PCDHGC4: variants seen among roughly 807,000 people sequenced by gnomAD.
PCDHGC4 encodes protocadherin gamma-C4.
In PCDHGC4, 15 loss-of-function variants were observed where a neutral mutation model predicts 59.7. That is an observed-to-expected ratio of 0.25 (90% CI 0.17 to 0.39). The LOEUF is 0.39. Among genes scored for constraint, PCDHGC4 ranks in the 10% least tolerant of loss-of-function variants. PCDHGC4 has a pLI of 1.00. For missense variants in PCDHGC4, 1,016 were observed against 1,189.5 expected (o/e 0.85, Z 2.15); for synonymous variants, 434 against 481.4 (o/e 0.90, Z 1.29).
Position 141,489,560 on chromosome 5 carries a change from A to G in PCDHGC4, c.2442+1945A>G. On this transcript the variant is annotated intron_variant, in intron 1 of 3. Coordinates refer to ENST00000306593, the MANE Select transcript of PCDHGC4 (RefSeq NM_018928.3). The surrounding 1 kb of genome is among the most constrained non-coding windows in gnomAD (Gnocchi z 4.5). Reference sequence around the variant, plus strand: ...AGCACCAGCTGCCTGCTGCCAGTGCAGGTGGTGACTGAACACCCCCTGGAG... The same window carrying G: ...AGCACCAGCTGCCTGCTGCCAGTGCGGGTGGTGACTGAACACCCCCTGGAG... 1.2e-6 allele frequency: 2 copies of G among 1,614,142 alleles called. No homozygotes were observed. The highest frequency in any genetic ancestry group is 1.7e-6 in the Non-Finnish European group (2 of 1,180,030).
chr5:141,494,674 C>A lies in PCDHGC4; in HGVS notation c.2443-133C>A, dbSNP rs532644387. ...ATTTTGTCTTTGGAGATGAGTCCAC[C>A]CCTGCCCCCTCTTAGTCCGTTTTCT... is the stretch of plus-strand genomic sequence containing the variant. On this transcript the variant is annotated intron_variant, in intron 1 of 3. Transcript: ENST00000306593. 3.4e-5 allele frequency: 53 copies of A among 1,545,802 alleles called. No homozygotes were observed. In the African/African-American group the frequency reaches 6.5e-4, roughly 19 times the overall value.
rs369942815 is a variant in PCDHGC4, at chr5:141,485,334, T to A, written c.161T>A (p.Leu54Gln). 5.4e-5 allele frequency: 87 copies of A among 1,614,056 alleles called. No individual in the cohort carries two copies. Among genetic ancestry groups the A allele is most frequent in the Non-Finnish European group, 7.0e-5 (83 of 1,180,026 alleles). The change falls in exon 1 of 4, where the codon CTG (leucine) becomes CAG (glutamine). Residue 54 changes from leucine to glutamine, a missense_variant. Coordinates refer to ENST00000306593, the MANE Select transcript of PCDHGC4 (RefSeq NM_018928.3). The surrounding 1 kb of genome is among the most constrained non-coding windows in gnomAD (Gnocchi z 5.7). Reference sequence around the variant, plus strand: ...GGGAATGTCGCTCAAGATTTCCTGCTGGATACGGACAGTCTGTCAGCTCGC... The same window carrying A: ...GGGAATGTCGCTCAAGATTTCCTGCAGGATACGGACAGTCTGTCAGCTCGC... ...FVGNVAQDFL[L>Q]DTDSLSARRL... is the part of the protein sequence containing the mutation.
chr5:141,485,134 C>T lies in PCDHGC4; in HGVS notation c.-40C>T. The T allele has an allele frequency of 6.7e-7, 1 of 1,495,958 alleles. No homozygotes were observed. The highest frequency in any genetic ancestry group is 1.4e-5 in the African/African-American group (1 of 72,714). 92.7% of individuals were successfully genotyped at this position (1,495,958 alleles called of 1,614,324 possible). On this transcript the variant is annotated 5_prime_UTR_variant, in exon 1 of 4. Transcript: ENST00000306593. The surrounding 1 kb of genome is among the most constrained non-coding windows in gnomAD (Gnocchi z 5.7). Reference sequence around the variant, plus strand: ...CTGTTTGGGGCGGGTCGGCTTCATCCGCGTCTCAGGAGCAAGTAGAGAATT... The same window carrying T: ...CTGTTTGGGGCGGGTCGGCTTCATCTGCGTCTCAGGAGCAAGTAGAGAATT...
intron 3 of PCDHGC4, among the ~76,000 whole-genome samples, chr5:141,509,265 C>G (rs1296179995): frequency 1.3e-5 from 2 of 152,138 alleles, no homozygotes; most frequent in African/African-American, 4.8e-5. Flanking sequence ...TTTAGTCACT[C>G]TCGCTACCCG....
At chr5:141,501,871 C>T (rs562714939) in intron 2 of PCDHGC4, among the ~76,000 whole-genome samples, 3 of 152,244 alleles carry the variant, frequency 2.0e-5, no homozygotes, top group African/African-American at 7.2e-5. Context: ...CAGGACGCCT[C>T]CTTACACTCC....
At position 141,489,108 on chromosome 5, in the gene PCDHGC4, A is replaced by C; in HGVS notation, c.2442+1493A>C. The C allele has an allele frequency of 2.0e-6, 1 of 489,086 alleles. No individual in the cohort carries two copies. The highest frequency in any genetic ancestry group is 3.5e-6 in the Non-Finnish European group (1 of 287,626). 30.3% of individuals were successfully genotyped at this position (489,086 alleles called of 1,614,324 possible). On this transcript the variant is annotated intron_variant, in intron 1 of 3. Transcript: ENST00000306593. This position sits in a 1 kb window ranked among gnomAD's most constrained non-coding sequence, Gnocchi z 4.5. The stretch of plus-strand genomic sequence containing the variant: ...TCGGTGACTAAGAACTGCTGCAAGC[A>C]GGCAAACCTCCGAGCAGTTTTTAAG...
At chr5:141,488,991 T>G in intron 1 of PCDHGC4, 1 of 414,332 alleles carries the variant, frequency 2.4e-6, no homozygotes, top group Non-Finnish European at 4.3e-6. Flanking sequence ...AGAGCTGAGG[T>G]GGGAGATCTG....
In PCDHGC4 at chr5:141,494,863, C is replaced by A. The variant is rs538734954; in HGVS notation, c.2499C>A (p.Ser833Arg). 17 of 1,614,118 alleles carry A rather than the reference C, an allele frequency of 1.1e-5. No individual in the cohort carries two copies. Among genetic ancestry groups the A allele is most frequent in the Non-Finnish European group, 1.4e-5 (17 of 1,179,994 alleles). Residue 833 changes from serine to arginine, a missense_variant and splice_region_variant, in exon 2 of 4, where the codon AGC becomes AGA. By Grantham distance (110) the Ser-to-Arg change is moderately radical. Transcript: ENST00000306593. ...RFSQAQRPGT[S>R]GSQNGDDTGT... ...CTCAGGCCCAGAGACCCGGCACCAG[C>A]GGGTAGGTGACTGATTCTCCAGCCC...
At position 141,486,059 on chromosome 5, in the gene PCDHGC4, C is replaced by T. The variant is rs141349392; in HGVS notation, c.886C>T (p.His296Tyr). The part of the protein sequence containing the change: ...PDRVRNLFSL[H>Y]PTTGKLTLLG... ...TCGTGTAAGAAACCTCTTTAGCCTG[C>T]ACCCCACTACTGGAAAGCTTACTCT... The change falls in exon 1 of 4, where the codon CAC (histidine) becomes TAC (tyrosine). Residue 296 changes from histidine to tyrosine, a missense_variant. His to Tyr is a moderately conservative substitution (Grantham distance 83, BLOSUM62 2). Transcript: ENST00000306593. The surrounding 1 kb of genome is among the most constrained non-coding windows in gnomAD (Gnocchi z 5.0). The T allele has an allele frequency of 9.0e-5, 146 of 1,614,034 alleles. No individual in the cohort carries two copies. The highest frequency in any genetic ancestry group is 1.2e-4 in the Non-Finnish European group (138 of 1,180,018).
At chr5:141,503,089 G>C (rs1352372525) in intron 2 of PCDHGC4, among the ~76,000 whole-genome samples, 2 of 151,590 alleles carry the variant, frequency 1.3e-5, no homozygotes, top group Non-Finnish European at 2.9e-5. Context: ...TCCTGACCTC[G>C]TGGTCTGCCC....
intron 2 of PCDHGC4, among the ~76,000 whole-genome samples, chr5:141,499,146 C>T (rs1415999012): frequency 1.3e-5 from 2 of 152,132 alleles, no homozygotes; most frequent in African/African-American, 4.8e-5. Flanking sequence ...GTGTCTGATC[C>T]CAATAGCTGT....
At position 141,491,187 on chromosome 5, in the gene PCDHGC4, G is replaced by A. The variant is rs2099709293; in HGVS notation, c.2442+3572G>A. ...CCCAGCAGGTGGTGGTCCTGGTGAG[G>A]GACAATGGTGACCCTTCACTCTCCT... On this transcript the variant is annotated intron_variant, in intron 1 of 3. Coordinates refer to ENST00000306593, the MANE Select transcript of PCDHGC4 (RefSeq NM_018928.3). The surrounding 1 kb of genome is among the most constrained non-coding windows in gnomAD (Gnocchi z 6.9). The A allele has an allele frequency of 6.2e-7, 1 of 1,614,064 alleles. No homozygotes were observed. The highest frequency in any genetic ancestry group is 1.1e-5 in the South Asian group (1 of 91,080).
At chr5:141,504,206 A>G (rs1209911822) in intron 2 of PCDHGC4, among the ~76,000 whole-genome samples, 1 of 152,218 alleles carries the variant, frequency 6.6e-6, no homozygotes, top group African/African-American at 2.4e-5. Flanking sequence ...CTGTGGGAAA[A>G]TTCCAAGTAG....
intron 2 of PCDHGC4, among the ~76,000 whole-genome samples, chr5:141,500,705 T>A (rs1169100560): frequency 6.6e-6 from 1 of 152,220 alleles, no homozygotes; most frequent in Non-Finnish European, 1.5e-5. Context: ...TTGCAGTGTA[T>A]CATGAGAATT....
rs370503146 is a variant in PCDHGC4 at position 141,511,012 on chromosome 5, G to A, written c.2656G>A (p.Gly886Arg). 11 of 1,614,060 alleles carry A rather than the reference G, an allele frequency of 6.8e-6. No individual in the cohort carries two copies. Among genetic ancestry groups the A allele is most frequent in the Middle Eastern group, 1.6e-4 (1 of 6,084 alleles). ...AGTMGLSARYGPQFTLQHVPD... is the reference protein window; with the variant it reads ...AGTMGLSARYRPQFTLQHVPD... The stretch of plus-strand genomic sequence containing the variant: ...CACCATGGGATTGAGCGCCCGCTAC[G>A]GACCCCAGTTCACCCTGCAGCACGT... The change falls in exon 4 of 4, where the codon GGA (glycine) becomes AGA (arginine). Residue 886 changes from glycine (G) to arginine (R), a missense_variant. Transcript: ENST00000306593.
Position 141,487,341 on chromosome 5 carries a change from TC to T in PCDHGC4, c.2169del (p.Thr724HisfsTer31), listed in dbSNP as rs778559139. Reference sequence around the variant, plus strand: ...TGTCTTCGTGGGGCAGCCTGTGGAGTCACATGCTTTCCTGCTGGCACCTGTG... The same window carrying T: ...TGTCTTCGTGGGGCAGCCTGTGGAGTACATGCTTTCCTGCTGGCACCTGTG... The part of the protein sequence containing the change: ...SKCLRGAACG[V>X]TCFPAGTCAC... On this transcript the variant is annotated frameshift_variant, in exon 1 of 4. Transcript: ENST00000306593. LOFTEE classifies it high-confidence loss of function. This position sits in a 1 kb window ranked among gnomAD's most constrained non-coding sequence, Gnocchi z 5.0. 1 of 1,614,012 alleles carries T rather than the reference TC, an allele frequency of 6.2e-7. No homozygotes were observed. The highest frequency in any genetic ancestry group is 1.1e-5 in the South Asian group (1 of 91,074).
chr5:141,509,645 G>C (rs138497208), intron 3 of PCDHGC4, among the ~76,000 whole-genome samples: 8 of 152,338 alleles, frequency 5.3e-5, no homozygotes, highest in African/African-American at 1.9e-4. Context: ...GCCAGGGCCA[G>C]AGTGTGGACT....
Position 141,493,957 on chromosome 5 carries a change from G to A in PCDHGC4, c.2443-850G>A, listed in dbSNP as rs1360777586. 6.6e-6 allele frequency among the ~76,000 whole-genome samples: 1 copy of A among 152,228 alleles called. No individual in the cohort carries two copies. The highest frequency in any genetic ancestry group is 2.4e-5 in the African/African-American group (1 of 41,458). On this transcript the variant is annotated intron_variant, in intron 1 of 3. Coordinates refer to ENST00000306593, the MANE Select transcript of PCDHGC4 (RefSeq NM_018928.3). This position sits in a 1 kb window ranked among gnomAD's most constrained non-coding sequence, Gnocchi z 4.3. ...AGACCAGAAGGGACTCAGGAATGAA[G>A]TGGCTGGCCAGAGCCCCACACCTTC... is the stretch of plus-strand genomic sequence containing the variant.
chr5:141,506,516 G>A (rs2099854579), intron 3 of PCDHGC4, among the ~76,000 whole-genome samples: 1 of 151,324 alleles, frequency 6.6e-6, no homozygotes, highest in Non-Finnish European at 1.5e-5. Flanking sequence ...CTGGCACCTG[G>A]CACCACCACT....
Sources: gnomAD v4.1 joint callset for allele counts (sites outside exome capture counted in the v4.1 genomes callset) on GRCh38, gnomAD v4.1.1 for gene constraint, Gnocchi (gnomAD v3.1) non-coding constraint, MANE v1.5 for transcripts, NCBI Gene and HGNC (gene_info 2026-07-23, HGNC 2026-07-21) for gene names.